Variants in POLN observed in about 807,000 individuals in gnomAD.
POLN encodes DNA polymerase N.
POLN carries 108 observed loss-of-function variants against 113.5 expected under a neutral mutation model. The observed-to-expected ratio is 0.95, with a 90% CI of 0.81 to 1.12. The LOEUF is 1.12. Among genes scored for constraint, POLN ranks in the 50% most tolerant of loss-of-function variants. The pLI is 0.00. For synonymous variants in POLN, 386 were observed against 391.5 expected, an observed-to-expected ratio of 0.99 and a Z score of 0.17; for missense variants, 1,097 against 1,077.1, an observed-to-expected ratio of 1.02 and a Z score of -0.26.
intron 2 of POLN, 22 bp from the exon 3 acceptor site, chr4:2,229,265 G>A: frequency 1.9e-6 from 3 of 1,539,004 alleles, no homozygotes; most frequent in East Asian, 2.3e-5. Context: ...ATTAACATAA[G>A]ATAAATCCCA....
intron 19 of POLN, among the ~76,000 whole-genome samples, chr4:2,101,452 C>G (rs554296689): frequency 6.6e-6 from 1 of 152,176 alleles, no homozygotes; most frequent in Non-Finnish European, 1.5e-5. Flanking sequence ...ATGGCCCGGA[C>G]GGGCTGGGAA....
intron 19 of POLN, among the ~76,000 whole-genome samples, chr4:2,121,300 TG>T (rs1463845138): frequency 6.6e-6 from 1 of 152,056 alleles, no homozygotes; most frequent in Admixed American, 6.5e-5. Context: ...CTGGGCATGG[TG>T]GCAGATGTCT....
At chr4:2,232,778 T>C (rs763293627) in intron 2 of POLN, among the ~76,000 whole-genome samples, 27 of 152,338 alleles carry the variant, frequency 1.8e-4, no homozygotes, top group Admixed American at 5.9e-4. Flanking sequence ...TTCCTCAGTG[T>C]CTAGCATTTA....
At chr4:2,164,306 A>C (rs1577734059) in intron 13 of POLN, among the ~76,000 whole-genome samples, 1 of 151,964 alleles carries the variant, frequency 6.6e-6, no homozygotes, top group Non-Finnish European at 1.5e-5. Flanking sequence ...GTTGGAGACC[A>C]GCCTGACCAA....
chr4:2,083,970 C>A (rs1254779098), intron 21 of POLN, among the ~76,000 whole-genome samples: 1 of 152,272 alleles, frequency 6.6e-6, no homozygotes, highest in Non-Finnish European at 1.5e-5. Flanking sequence ...CAGAGTGAGT[C>A]TGCTCCAGCT....
intron 23 of POLN, chr4:2,079,985 G>A (rs1730365103): frequency 1.0e-6 from 1 of 985,406 alleles, no homozygotes; most frequent in Admixed American, 6.1e-5. Context: ...TGCAAGCAGA[G>A]TCCCTGGGGC....
intron 20 of POLN, among the ~76,000 whole-genome samples, chr4:2,090,851 A>C (rs1050325123): frequency 6.6e-6 from 1 of 152,186 alleles, no homozygotes; most frequent in African/African-American, 2.4e-5. Flanking sequence ...GGGGTCAGCC[A>C]AGGATCTGAG....
chr4:2,131,172 G>T, intron 17 of POLN, 61 bp downstream of exon 17: 2 of 1,224,850 alleles, frequency 1.6e-6, no homozygotes, highest in African/African-American at 1.5e-5. Context: ...GTGACAGAGT[G>T]ACACCCTATC....
chr4:2,087,472 C>T (rs1730575697), intron 20 of POLN, among the ~76,000 whole-genome samples: 3 of 152,180 alleles, frequency 2.0e-5, no homozygotes, highest in African/African-American at 4.8e-5. Flanking sequence ...TTAGACAAGT[C>T]TTTTCTCACC....
At chr4:2,114,591 A>G (rs750765182) in intron 19 of POLN, among the ~76,000 whole-genome samples, 6 of 152,156 alleles carry the variant, frequency 3.9e-5, no homozygotes, top group Non-Finnish European at 8.8e-5. Flanking sequence ...TGCCTGGTAA[A>G]AAGTCAGCTT....
At chr4:2,175,525 G>A (rs1252641003) in intron 9 of POLN, among the ~76,000 whole-genome samples, 1 of 152,152 alleles carries the variant, frequency 6.6e-6, no homozygotes, top group African/African-American at 2.4e-5. Context: ...AGGAACATTA[G>A]AATCTTTATT....
At chr4:2,125,443 T>C (rs1331241546) in intron 19 of POLN, among the ~76,000 whole-genome samples, 1 of 152,064 alleles carries the variant, frequency 6.6e-6, no homozygotes, top group Non-Finnish European at 1.5e-5. Flanking sequence ...TAGTAGTTAT[T>C]TGTGGAAGAT....
At chr4:2,216,546 G>T (rs888029914) in intron 3 of POLN, among the ~76,000 whole-genome samples, 1 of 152,210 alleles carries the variant, frequency 6.6e-6, no homozygotes, top group Non-Finnish European at 1.5e-5. Context: ...CAGCTTCTTG[G>T]TGTGTGGCTG....
intron 3 of POLN, 120 bp downstream of exon 3, chr4:2,228,979 G>GT: frequency 1.0e-6 from 1 of 990,430 alleles, no homozygotes; most frequent in South Asian, 1.8e-5. Flanking sequence ...CTGAATGAGT[G>GT]TAAAAGGGGC....
chr4:2,078,650 T>C, intron 23 of POLN: 2 of 985,396 alleles, frequency 2.0e-6, no homozygotes, highest in Non-Finnish European at 2.4e-6. Flanking sequence ...CCAGACGCCA[T>C]CCACAGCCTT....
intron 19 of POLN, among the ~76,000 whole-genome samples, chr4:2,102,001 G>A (rs1398236791): frequency 6.6e-6 from 1 of 152,140 alleles, no homozygotes; most frequent in African/African-American, 2.4e-5. Context: ...GATTGGACTG[G>A]GGTGTGAGAG....
In POLN at chr4:2,146,869, A is replaced by C. The variant is rs9968488; in HGVS notation, c.1731+9919T>G. Among the ~76,000 whole-genome samples, 142 of 152,300 alleles carry C rather than the reference A, an allele frequency of 9.3e-4. 1 individual carries two copies. The highest frequency in any genetic ancestry group is 3.3e-3 in the African/African-American group (139 of 41,562). On this transcript the variant is annotated intron_variant, in intron 16 of 25. Coordinates refer to ENST00000511885, the MANE Select transcript of POLN (RefSeq NM_181808.4). The stretch of plus-strand genomic sequence containing the variant: ...AAACAAATTATATCAAAGTATTACC[A>C]CCATAGGACAAAATGTTAATTTGGC...
At chr4:2,151,046 G>T (rs538321188) in intron 16 of POLN, among the ~76,000 whole-genome samples, 1 of 152,290 alleles carries the variant, frequency 6.6e-6, no homozygotes, top group African/African-American at 2.4e-5. Flanking sequence ...CAGATTGGAA[G>T]AAAATATCTG....
chr4:2,206,216 T>C (rs904231969), intron 5 of POLN, among the ~76,000 whole-genome samples: 1 of 152,146 alleles, frequency 6.6e-6, no homozygotes, highest in Non-Finnish European at 1.5e-5. Flanking sequence ...TGAAACTGGA[T>C]CCTCATCTCT....
Sources: gnomAD v4.1 joint callset for allele counts (sites outside exome capture counted in the v4.1 genomes callset) on GRCh38, gnomAD v4.1.1 for gene constraint, MANE v1.5 for transcripts, NCBI Gene and HGNC (gene_info 2026-07-23, HGNC 2026-07-21) for gene names.